The following CNTNAP2 variants were observed in gnomAD, a reference collection of about 807,000 sequenced individuals.
CNTNAP2 encodes the protein contactin-associated protein-like 2.
Under a neutral mutation model 155.2 loss-of-function variants are expected in CNTNAP2, and 98 were observed. That is an observed-to-expected ratio of 0.63 (90% CI 0.54 to 0.75). The LOEUF (loss-of-function observed/expected upper bound fraction) is 0.75. Ranked by LOEUF, CNTNAP2 falls within the 30% of genes least tolerant of loss-of-function variation. The probability of loss-of-function intolerance (pLI) is 0.00; values close to 1 mark genes in which losing one functional copy is unlikely to be tolerated. For missense variants in CNTNAP2, 1,727 were observed against 1,688.1 expected, an observed-to-expected ratio of 1.02 and a Z score of -0.40; for synonymous variants, 651 against 631.2, an observed-to-expected ratio of 1.03 and a Z score of -0.47.
chr7:147,780,884 G>T (rs1797652103), intron 13 of CNTNAP2, among the ~76,000 whole-genome samples: 1 of 152,194 alleles, frequency 6.6e-6, no homozygotes, highest in African/African-American at 2.4e-5. Context: ...AATACCATTT[G>T]CATGTATAAT....
chr7:148,301,993 G>A (rs1563032817), intron 21 of CNTNAP2, among the ~76,000 whole-genome samples: 1 of 152,176 alleles, frequency 6.6e-6, no homozygotes. Flanking sequence ...TTTACAAGAC[G>A]GAAGCACAGC....
chr7:148,247,625 C>CTCTATTTATTTATT (rs373741779), intron 20 of CNTNAP2, among the ~76,000 whole-genome samples: 3 of 105,314 alleles, frequency 2.8e-5, no homozygotes, highest in Admixed American at 1.0e-4. Flanking sequence ...CTCTCTCTCT[C>CTCTATTTATTTATT]TATTTATTTA....
At chr7:147,327,701 T>A (rs1795486072) in intron 9 of CNTNAP2, among the ~76,000 whole-genome samples, 2 of 152,190 alleles carry the variant, frequency 1.3e-5, no homozygotes, top group Non-Finnish European at 2.9e-5. Context: ...ACAAGAGACT[T>A]ACATATAGTT....
chr7:147,238,864 G>A (rs1233271355), intron 8 of CNTNAP2, among the ~76,000 whole-genome samples: 1 of 152,126 alleles, frequency 6.6e-6, no homozygotes, highest in Non-Finnish European at 1.5e-5. Context: ...CCACTAAGTT[G>A]CTGTGTTTCT....
intron 12 of CNTNAP2, among the ~76,000 whole-genome samples, chr7:147,581,576 A>G (rs1157862722): frequency 6.6e-6 from 1 of 152,202 alleles, no homozygotes; most frequent in African/African-American, 2.4e-5. Flanking sequence ...CCAAGAGAAA[A>G]GCCCATAAAG....
At chr7:146,818,129 TA>T (rs1803210170) in intron 2 of CNTNAP2, among the ~76,000 whole-genome samples, 1 of 152,182 alleles carries the variant, frequency 6.6e-6, no homozygotes, top group Admixed American at 6.5e-5. Flanking sequence ...TCTTTTCTAT[TA>T]ACTTTAAAGA....
At chr7:147,495,351 T>C (rs1160361415) in intron 11 of CNTNAP2, among the ~76,000 whole-genome samples, 2 of 152,182 alleles carry the variant, frequency 1.3e-5, no homozygotes, top group African/African-American at 4.8e-5. Flanking sequence ...AGAACTTTGG[T>C]GTAAACCTTG....
At chr7:146,386,526 T>A (rs1450022603) in intron 1 of CNTNAP2, among the ~76,000 whole-genome samples, 1 of 152,088 alleles carries the variant, frequency 6.6e-6, no homozygotes, top group Non-Finnish European at 1.5e-5. Context: ...GTAGCTGGGA[T>A]TACAGGCGCC....
At chr7:147,965,154 A>C (rs537479670) in intron 14 of CNTNAP2, among the ~76,000 whole-genome samples, 1 of 152,262 alleles carries the variant, frequency 6.6e-6, no homozygotes, top group East Asian at 1.9e-4. Context: ...ATTCCCCAGC[A>C]ATGGTCAGTC....
At chr7:146,237,485 A>G (rs952162658) in intron 1 of CNTNAP2, among the ~76,000 whole-genome samples, 7 of 152,230 alleles carry the variant, frequency 4.6e-5, no homozygotes, top group African/African-American at 1.7e-4. Context: ...TTTCTGATCA[A>G]TCCGTAAGTT....
chr7:148,320,709 A>C (rs987672111), intron 21 of CNTNAP2, among the ~76,000 whole-genome samples: 2 of 152,108 alleles, frequency 1.3e-5, no homozygotes, highest in African/African-American at 2.4e-5. Context: ...GGTTCCCACT[A>C]TTCCACCCCA....
At chr7:148,071,171 T>C (rs1452314390) in intron 15 of CNTNAP2, among the ~76,000 whole-genome samples, 1 of 152,186 alleles carries the variant, frequency 6.6e-6, no homozygotes, top group East Asian at 1.9e-4. Context: ...AATATCTTCC[T>C]GTCACACATC....
chr7:147,352,352 C>T (rs535981994), intron 9 of CNTNAP2, among the ~76,000 whole-genome samples: 37 of 152,032 alleles, frequency 2.4e-4, no homozygotes, highest in Non-Finnish European at 4.0e-4. Flanking sequence ...TCCCTCAGGA[C>T]TAATAATGTA....
chr7:147,474,933 A>T (rs1584756549), intron 10 of CNTNAP2, among the ~76,000 whole-genome samples: 1 of 152,278 alleles, frequency 6.6e-6, no homozygotes, highest in Non-Finnish European at 1.5e-5. Flanking sequence ...CAATCAATTC[A>T]CTATTCACAC....
At chr7:147,485,815 A>T in intron 10 of CNTNAP2, 120 bp from the exon 11 acceptor site, 1 of 894,292 alleles carries the variant, frequency 1.1e-6, no homozygotes, top group Non-Finnish European at 1.9e-6. Context: ...ACAAGGATTA[A>T]TTGCCTTGGT....
chr7:146,308,164 A>G (rs550183204), intron 1 of CNTNAP2, among the ~76,000 whole-genome samples: 22 of 152,336 alleles, frequency 1.4e-4, no homozygotes, highest in African/African-American at 5.1e-4. Flanking sequence ...AAAAGTGGGC[A>G]AAGGATATGA....
At chr7:146,344,908 A>T (rs1306981478) in intron 1 of CNTNAP2, among the ~76,000 whole-genome samples, 1 of 152,226 alleles carries the variant, frequency 6.6e-6, no homozygotes, top group Non-Finnish European at 1.5e-5. Context: ...AATACCCATG[A>T]CTAGAGATAT....
intron 1 of CNTNAP2, among the ~76,000 whole-genome samples, chr7:146,720,615 A>G (rs1000678364): frequency 2.0e-5 from 3 of 151,950 alleles, no homozygotes; most frequent in Non-Finnish European, 4.4e-5. Context: ...GTTCAAAGGA[A>G]CTCCAAAATA....
intron 21 of CNTNAP2, among the ~76,000 whole-genome samples, chr7:148,308,687 T>C (rs1320946462): frequency 1.3e-5 from 2 of 152,048 alleles, no homozygotes; most frequent in Non-Finnish European, 2.9e-5. Flanking sequence ...CAACCTGTCA[T>C]CTACATTAGG....
Sources: gnomAD v4.1 joint callset for allele counts (sites outside exome capture counted in the v4.1 genomes callset) on GRCh38, gnomAD v4.1.1 for gene constraint, MANE v1.5 for transcripts, NCBI Gene and HGNC (gene_info 2026-07-23, HGNC 2026-07-21) for gene names.